The following HGSNAT variants were observed in gnomAD, a reference collection of about 807,000 sequenced individuals.
HGSNAT encodes transmembrane protein 76.
HGSNAT carries 59 observed loss-of-function variants against 85.2 expected under a neutral mutation model. That is an observed-to-expected ratio of 0.69 (90% confidence interval 0.56 to 0.86). The LOEUF is 0.86. Ranked by LOEUF, HGSNAT falls within the 40% of genes least tolerant of loss-of-function variation. The pLI, the probability that HGSNAT is intolerant of heterozygous loss-of-function variation, is 0.00. For synonymous variants in HGSNAT, 321 were observed against 304.5 expected, an observed-to-expected ratio of 1.05 and a Z score of -0.56; for missense variants, 756 against 777.1, an observed-to-expected ratio of 0.97 and a Z score of 0.32.
At chr8:43,149,734 A>G (rs1802840664) in intron 2 of HGSNAT, among the ~76,000 whole-genome samples, 1 of 152,022 alleles carries the variant, frequency 6.6e-6, no homozygotes, top group Admixed American at 6.6e-5. Context: ...AATTTTAAGC[A>G]GATGTAGATT....
chr8:43,169,216 C>T lies in HGSNAT; in HGVS notation c.607C>T (p.Arg203Ter), dbSNP rs1563366896. Reference protein sequence around the residue: ...NNWISKAISSRETDRLINSEL... With the variant: ...NNWISKAISS ...TTGGATTTCTAAAGCCATAAGTTCT[C>T]GAGAAACTGATCGCCTCATCAATTC... is the stretch of plus-strand genomic sequence containing the variant. The change falls in exon 6 of 18, where the codon CGA (arginine) becomes TGA (stop). Residue 203 changes from arginine to a stop codon, truncating the protein, a stop_gained. Transcript: ENST00000379644. LOFTEE classifies it high-confidence loss of function. 4 of 1,585,584 alleles carry T rather than the reference C, an allele frequency of 2.5e-6. No homozygotes were observed. Among genetic ancestry groups the T allele is most frequent in the Admixed American group, 1.8e-5 (1 of 56,874 alleles).
intron 11 of HGSNAT, among the ~76,000 whole-genome samples, chr8:43,188,527 C>G (rs1168805720): frequency 6.6e-6 from 1 of 152,170 alleles, no homozygotes; most frequent in Non-Finnish European, 1.5e-5. Context: ...ACTGTTGATT[C>G]TAGTTACCCA....
chr8:43,171,167 C>A (rs1563368169), intron 7 of HGSNAT, among the ~76,000 whole-genome samples: 1 of 152,146 alleles, frequency 6.6e-6, no homozygotes, highest in Non-Finnish European at 1.5e-5. Flanking sequence ...GAACAAGGGC[C>A]AGGACTGAAA....
chr8:43,170,956 G>A (rs974468400), intron 7 of HGSNAT, among the ~76,000 whole-genome samples: 10 of 152,132 alleles, frequency 6.6e-5, no homozygotes, highest in Non-Finnish European at 1.3e-4. Flanking sequence ...TGAGTGAAGG[G>A]CATTTTTATT....
chr8:43,180,111 C>A (rs866135096), intron 10 of HGSNAT, among the ~76,000 whole-genome samples: 2 of 129,874 alleles, frequency 1.5e-5, no homozygotes, highest in African/African-American at 6.8e-5. Flanking sequence ...GACCCCCCCC[C>A]CCACCGCCTC....
intron 10 of HGSNAT, 27 bp downstream of exon 10, chr8:43,178,261 A>G (rs775163795): frequency 2.1e-6 from 3 of 1,445,452 alleles, no homozygotes. Context: ...TCTGTTATAT[A>G]TATTCAGGTT....
At chr8:43,161,581 C>G in intron 5 of HGSNAT, 74 bp downstream of exon 5, 1 of 1,121,516 alleles carries the variant, frequency 8.9e-7, no homozygotes, top group Non-Finnish European at 1.3e-6. Flanking sequence ...GCAGCTGTCA[C>G]CCTCAAGTGG....
chr8:43,197,893 T>C lies in HGSNAT; in HGVS notation c.1667T>C (p.Val556Ala). The change falls in exon 17 of 18, where the codon GTC (valine) becomes GCC (alanine). Residue 556 changes from valine to alanine, a missense_variant. Physicochemically the swap from Val to Ala is moderately conservative, Grantham distance 64. Coordinates refer to ENST00000379644, the MANE Select transcript of HGSNAT (RefSeq NM_152419.3). Reference protein sequence around the residue: ...LSSFAFFILLVLYPVVDVKGL... With the variant: ...LSSFAFFILLALYPVVDVKGL... Reference sequence around the variant, plus strand: ...TCTTTTGCCTTCTTCATCCTGCTGGTCCTGTACCCAGTTGTGGATGTGAAG... The same window carrying C: ...TCTTTTGCCTTCTTCATCCTGCTGGCCCTGTACCCAGTTGTGGATGTGAAG... The C allele has an allele frequency of 1.9e-6, 3 of 1,614,020 alleles. No individual in the cohort carries two copies. The South Asian group carries it at 3.3e-5, about 18-fold the overall frequency.
chr8:43,194,547 T>G (rs771842217), intron 14 of HGSNAT: 13 of 980,338 alleles, frequency 1.3e-5, no homozygotes, highest in African/African-American at 1.8e-5. Context: ...CGAGACTGGG[T>G]AATTCATAAA....
At chr8:43,167,514 A>C (rs189171569) in intron 5 of HGSNAT, among the ~76,000 whole-genome samples, 1 of 152,340 alleles carries the variant, frequency 6.6e-6, no homozygotes, top group Non-Finnish European at 1.5e-5. Flanking sequence ...ACATTTTTAA[A>C]TTAAGGTATG....
rs144266684 is a variant in HGSNAT, at chr8:43,150,834, A to AAAAT, written c.234+3803_234+3806dup. Among the ~76,000 whole-genome samples the AAAAT allele has an allele frequency of 9.9e-3, 1,454 of 147,164 alleles. 23 individuals carry two copies. The highest frequency in any genetic ancestry group is 0.033 in the African/African-American group (1,297 of 39,834). On this transcript the variant is annotated intron_variant, in intron 2 of 17. Coordinates refer to ENST00000379644, the MANE Select transcript of HGSNAT (RefSeq NM_152419.3). ...GGGTGACAGAGCGAGACTCCGTTTC[A>AAAAT]AAATAAATAAATAAATAAATAAATA...
intron 13 of HGSNAT, 73 bp downstream of exon 13, chr8:43,192,503 C>CCCATTTAAGAAACGTTAAG: frequency 6.7e-7 from 1 of 1,491,268 alleles, no homozygotes; most frequent in South Asian, 1.4e-5. Flanking sequence ...AAAGAGCCAG[C>CCCATTTAAGAAACGTTAAG]AAACGTTAAA....
intron 2 of HGSNAT, among the ~76,000 whole-genome samples, chr8:43,151,146 A>C (rs1279024084): frequency 6.6e-6 from 1 of 152,250 alleles, no homozygotes; most frequent in Non-Finnish European, 1.5e-5. Flanking sequence ...ACAAAGTCGT[A>C]GTAGAGACAA....
intron 1 of HGSNAT, among the ~76,000 whole-genome samples, chr8:43,141,866 T>C (rs1020342910): frequency 6.6e-6 from 1 of 152,162 alleles, no homozygotes; most frequent in Non-Finnish European, 1.5e-5. Flanking sequence ...CCGAACACTC[T>C]TTGCATTTTA....
intron 5 of HGSNAT, among the ~76,000 whole-genome samples, chr8:43,166,337 T>G (rs1226686180): frequency 6.6e-6 from 1 of 152,212 alleles, no homozygotes; most frequent in Non-Finnish European, 1.5e-5. Context: ...AGACTTTTAA[T>G]AGCCAGGAAG....
At chr8:43,172,777 G>C (rs1586727563) in intron 8 of HGSNAT, among the ~76,000 whole-genome samples, 2 of 152,318 alleles carry the variant, frequency 1.3e-5, no homozygotes, top group Middle Eastern at 6.8e-3. Flanking sequence ...TTTTGAGATG[G>C]CGTTGAACTA....
rs866383138 is a variant in HGSNAT, at chr8:43,157,156, T to C, written c.235-1419T>C. Among the ~76,000 whole-genome samples the C allele has an allele frequency of 1.1e-4, 17 of 152,294 alleles. No individual in the cohort carries two copies. The South Asian group carries it at 1.9e-3, about 17-fold the overall frequency. ...GTTAAAAGTTTAATATTATAGTATATGAGGACATATTTCTAAGATTATGTC... is the reference window on the plus strand; with the variant it reads ...GTTAAAAGTTTAATATTATAGTATACGAGGACATATTTCTAAGATTATGTC... On this transcript the variant is annotated intron_variant, in intron 2 of 17. Coordinates refer to ENST00000379644, the MANE Select transcript of HGSNAT (RefSeq NM_152419.3).
chr8:43,195,932 A>G (rs1226780118), intron 14 of HGSNAT: 1 of 158,800 alleles, frequency 6.3e-6, no homozygotes, highest in Non-Finnish European at 1.4e-5. Flanking sequence ...TTTTGTATTT[A>G]GAAATACGGC....
At chr8:43,146,576 A>G (rs956156098) in intron 1 of HGSNAT, among the ~76,000 whole-genome samples, 12 of 152,202 alleles carry the variant, frequency 7.9e-5, no homozygotes, top group African/African-American at 2.9e-4. Context: ...TAAGATTGTC[A>G]TTATTATAGG....
Sources: allele counts gnomAD v4.1 joint callset (sites outside exome capture counted in the v4.1 genomes callset), GRCh38; gene constraint gnomAD v4.1.1; transcripts MANE v1.5; gene names NCBI Gene and HGNC (gene_info 2026-07-23, HGNC 2026-07-21).